The following TNFRSF10D variants were observed in gnomAD, a reference collection of about 807,000 sequenced individuals.
TNFRSF10D encodes the protein TNF receptor superfamily member 10d.
TNFRSF10D carries 28 observed loss-of-function variants against 42.1 expected under a neutral mutation model. That is an observed-to-expected ratio of 0.66 (90% CI 0.49 to 0.91). The LOEUF (loss-of-function observed/expected upper bound fraction) is 0.91. Ranked by LOEUF, TNFRSF10D falls within the 40% of genes least tolerant of loss-of-function variation. The probability of loss-of-function intolerance (pLI) is 0.00; values close to 1 mark genes in which losing one functional copy is unlikely to be tolerated. For synonymous variants in TNFRSF10D, 186 were observed against 189.4 expected (o/e 0.98, Z 0.15); for missense variants, 503 against 486.1 (o/e 1.03, Z -0.33).
At chr8:23,143,054 G>A (rs188543285) in intron 7 of TNFRSF10D, among the ~76,000 whole-genome samples, 2 of 150,902 alleles carry the variant, frequency 1.3e-5, no homozygotes, top group East Asian at 2.0e-4. Flanking sequence ...TCGGCTCACT[G>A]CAGGCTCCGC....
At chr8:23,163,155 G>C (rs1419526560) in intron 1 of TNFRSF10D, among the ~76,000 whole-genome samples, 2 of 133,556 alleles carry the variant, frequency 1.5e-5, no homozygotes, top group Admixed American at 1.6e-4. Flanking sequence ...GCTGGAGTGC[G>C]ATGGCGCGAT....
chr8:23,159,913 A>G (rs1476267871), intron 1 of TNFRSF10D, among the ~76,000 whole-genome samples: 1 of 151,942 alleles, frequency 6.6e-6, no homozygotes, highest in Non-Finnish European at 1.5e-5. Context: ...GTCTTATGTC[A>G]ATTTAATTCT....
At position 23,137,854 on chromosome 8, in the gene TNFRSF10D, T is replaced by C. The variant is rs756375992; in HGVS notation, c.*16A>G. On this transcript the variant is annotated 3_prime_UTR_variant, in exon 9 of 9. Transcript: ENST00000312584. ...AAGGTAAATGAGGGAAGCTCTGGTT[T>C]CCTGAAGAGATTCTTTCACAGGCAG... 2 of 1,606,540 alleles carry C rather than the reference T, an allele frequency of 1.2e-6. No individual in the cohort carries two copies. The highest frequency in any genetic ancestry group is 1.7e-6 in the Non-Finnish European group (2 of 1,177,480).
At chr8:23,160,306 C>G (rs566825289) in intron 1 of TNFRSF10D, among the ~76,000 whole-genome samples, 1 of 152,278 alleles carries the variant, frequency 6.6e-6, no homozygotes, top group East Asian at 1.9e-4. Flanking sequence ...GCGGCCTCAG[C>G]TTACCACCTA....
At chr8:23,162,655 A>G (rs951452916) in intron 1 of TNFRSF10D, among the ~76,000 whole-genome samples, 1 of 152,114 alleles carries the variant, frequency 6.6e-6, no homozygotes, top group African/African-American at 2.4e-5. Flanking sequence ...TCCAAACCCA[A>G]CTCACAACGA....
Position 23,148,443 on chromosome 8 carries a change from T to G in TNFRSF10D, c.365A>C (p.Lys122Thr), listed in dbSNP as rs754680595. 1.9e-6 allele frequency: 3 copies of G among 1,607,372 alleles called. No individual in the cohort carries two copies. In the African/African-American group the frequency reaches 4.0e-5, roughly 22 times the overall value. The change falls in exon 3 of 9, where the codon AAA (lysine) becomes ACA (threonine). Residue 122 changes from lysine (K) to threonine (T), a missense_variant. Physicochemically the swap from Lys to Thr is moderately conservative, Grantham distance 78. Coordinates refer to ENST00000312584, the MANE Select transcript of TNFRSF10D (RefSeq NM_003840.5). ...GGGGTCCACACATTCTGTACCTGAT[T>G]TACAAACTGTACATAGCAGGCAAGA... Reference protein sequence around the residue: ...LPSCLLCTVCKSGQTNKSSCT... With the variant: ...LPSCLLCTVCTSGQTNKSSCT...
At chr8:23,152,307 C>A (rs183862203) in intron 2 of TNFRSF10D, among the ~76,000 whole-genome samples, 918 of 152,186 alleles carry the variant, frequency 6.0e-3, no homozygotes, top group African/African-American at 0.019. Context: ...TCCGAGGACA[C>A]TAACCGGTGT....
At chr8:23,139,590 A>C (rs749510492) in intron 7 of TNFRSF10D, among the ~76,000 whole-genome samples, 1 of 152,210 alleles carries the variant, frequency 6.6e-6, no homozygotes, top group Non-Finnish European at 1.5e-5. Flanking sequence ...AATGGGCCAA[A>C]GCTGGAAGCA....
At chr8:23,144,758 C>T (rs1451673573) in intron 6 of TNFRSF10D, 123 bp from the exon 7 acceptor site, 2 of 1,215,442 alleles carry the variant, frequency 1.6e-6, no homozygotes, top group Non-Finnish European at 2.3e-6. Context: ...AGCTGAGGCT[C>T]AGCACATCCA....
chr8:23,149,244 A>C (rs1202168994), intron 2 of TNFRSF10D, among the ~76,000 whole-genome samples: 1 of 151,560 alleles, frequency 6.6e-6, no homozygotes, highest in African/African-American at 2.4e-5. Context: ...TCTTTTTTAA[A>C]ATTTTTTTTG....
chr8:23,138,008 G>A lies in TNFRSF10D; in HGVS notation c.1028-5C>T. ...AGGCATCCAGCAAGGTGCTGACTGA[G>A]AAGAGAGAAGAGATTTAGGGTCTCA... On this transcript the variant is annotated splice_polypyrimidine_tract_variant and splice_region_variant and intron_variant, in intron 8 of 8. Transcript: ENST00000312584. The A allele has an allele frequency of 6.2e-7, 1 of 1,613,896 alleles. No homozygotes were observed. The highest frequency in any genetic ancestry group is 8.5e-7 in the Non-Finnish European group (1 of 1,179,906).
At position 23,145,670 on chromosome 8, in the gene TNFRSF10D, G is replaced by C. The variant is rs565765139; in HGVS notation, c.734C>G (p.Ser245Ter). ...TCCCACCCTCAGCCAGCACCTACCT[G>C]AGCAGATGCCTTTGAGGTAAGAAAT... The part of the protein sequence containing the change: ...KFISYLKGIC[S>*]GGGGGPERVH... Residue 245 changes from serine to a stop codon, truncating the protein, a stop_gained and splice_region_variant, in exon 5 of 9, where the codon TCA becomes TGA. Coordinates refer to ENST00000312584, the MANE Select transcript of TNFRSF10D (RefSeq NM_003840.5). LOFTEE classifies it high-confidence loss of function. 6.2e-7 allele frequency: 1 copy of C among 1,614,004 alleles called. No homozygotes were observed. The highest frequency in any genetic ancestry group is 2.2e-5 in the East Asian group (1 of 44,890).
rs1800256320 is a variant in TNFRSF10D, at chr8:23,154,965, A to T, written c.165T>A (p.Ser55=). Residue 55 remains serine, a synonymous_variant, in exon 2 of 9, where the codon TCT becomes TCA. Transcript: ENST00000312584. The stretch of plus-strand genomic sequence containing the variant: ...CTTCGTCCTGCCGGGGGATGGTGGC[A>T]GAGTCAACCCGGACCTGTGGGGACA... ...VAVLLPVRVD[S]ATIPRQDEVP... 1 of 1,612,218 alleles carries T rather than the reference A, an allele frequency of 6.2e-7. No homozygotes were observed. Among genetic ancestry groups the T allele is most frequent in the African/African-American group, 1.3e-5 (1 of 74,856 alleles).
intron 2 of TNFRSF10D, among the ~76,000 whole-genome samples, chr8:23,152,221 G>A (rs554574501): frequency 6.6e-6 from 1 of 152,328 alleles, no homozygotes; most frequent in South Asian, 2.1e-4. Flanking sequence ...CACAGAAGTG[G>A]TGTATTACTT....
Position 23,147,088 on chromosome 8 carries a change from A to G in TNFRSF10D, c.371-16T>C, listed in dbSNP as rs1242793963. On this transcript the variant is annotated splice_polypyrimidine_tract_variant and intron_variant, in intron 3 of 8. Transcript: ENST00000312584. ...TTTGTTTGACCTGACAACAGAGCAT[A>G]AGGTTTTGAGAATGTGTTTCCCTGA... 2 of 1,607,398 alleles carry G rather than the reference A, an allele frequency of 1.2e-6. No individual in the cohort carries two copies. Among genetic ancestry groups the G allele is most frequent in the East Asian group, 4.5e-5 (2 of 44,810 alleles).
At chr8:23,163,089 CTTTTTT>C (rs59385093) in intron 1 of TNFRSF10D, among the ~76,000 whole-genome samples, 2 of 57,202 alleles carry the variant, frequency 3.5e-5, no homozygotes, top group Admixed American at 2.3e-4. Context: ...GCCTGGCTAA[CTTTTTT>C]TTTTTTTTTT....
chr8:23,156,275 A>T (rs1405106875), intron 1 of TNFRSF10D, among the ~76,000 whole-genome samples: 2 of 150,926 alleles, frequency 1.3e-5, no homozygotes, highest in Admixed American at 6.6e-5. Context: ...ATTTACATTT[A>T]ATTAAATTTA....
intron 7 of TNFRSF10D, among the ~76,000 whole-genome samples, chr8:23,139,510 A>C (rs912954133): frequency 5.9e-5 from 9 of 152,188 alleles, no homozygotes; most frequent in African/African-American, 1.9e-4. Context: ...AACATTAGAA[A>C]GTTCCCATTG....
rs960717104 is a variant in TNFRSF10D at position 23,146,883 on chromosome 8, G to A, written c.482+78C>T. On this transcript the variant is annotated intron_variant, in intron 4 of 8. Coordinates refer to ENST00000312584, the MANE Select transcript of TNFRSF10D (RefSeq NM_003840.5). ...GGCCTGGAGGATCCATGGGGTCAGC[G>A]GAGAGATAGAGGTACCAGGTGAATC... is the stretch of plus-strand genomic sequence containing the variant. The A allele has an allele frequency of 1.5e-5, 18 of 1,241,144 alleles. No homozygotes were observed. The East Asian group carries it at 2.3e-4, about 16-fold the overall frequency. The allele number at this position is 1,241,144 out of a possible 1,614,324, so 76.9% of individuals were successfully genotyped here.
Sources: allele counts gnomAD v4.1 joint callset (sites outside exome capture counted in the v4.1 genomes callset), GRCh38; gene constraint gnomAD v4.1.1; transcripts MANE v1.5; gene names NCBI Gene and HGNC (gene_info 2026-07-23, HGNC 2026-07-21).